The following KIRREL3 variants were observed in gnomAD, a reference collection of about 807,000 sequenced individuals.
KIRREL3 encodes the protein kin of IRRE-like protein 3.
In KIRREL3, 36 loss-of-function variants were observed where a neutral mutation model predicts 89.7. The ratio of observed to expected loss-of-function variants is 0.40; its 90% CI spans 0.31 to 0.53. The LOEUF (loss-of-function observed/expected upper bound fraction) is 0.53, where lower values mean the gene tolerates loss of function less well. Among genes scored for constraint, KIRREL3 ranks in the 20% least tolerant of loss-of-function variants. The pLI is 0.49. For synonymous variants in KIRREL3, 445 were observed against 441.4 expected, an observed-to-expected ratio of 1.01 and a Z score of -0.10; for missense variants, 864 against 1,056.6, an observed-to-expected ratio of 0.82 and a Z score of 2.53.
At chr11:126,600,259 G>A (rs1297849610) in intron 1 of KIRREL3, among the ~76,000 whole-genome samples, 2 of 152,196 alleles carry the variant, frequency 1.3e-5, no homozygotes, top group Non-Finnish European at 2.9e-5. Flanking sequence ...GAGCTTGGAA[G>A]CCAACCCTGC....
Position 126,643,609 on chromosome 11 carries a change from A to G in KIRREL3, c.56-80697T>C, listed in dbSNP as rs1944554658. On this transcript the variant is annotated intron_variant, in intron 1 of 16. Coordinates refer to ENST00000525144, the MANE Select transcript of KIRREL3 (RefSeq NM_032531.4). The surrounding 1 kb of genome is among the most constrained non-coding windows in gnomAD (Gnocchi z 4.5). ...AGACTTGATCCTTGGGCAAAAGTGC[A>G]TTAGTAGGGATTCTGGAGCAAGGCA... Among the ~76,000 whole-genome samples, 1 of 152,184 alleles carries G rather than the reference A, an allele frequency of 6.6e-6. No homozygotes were observed. The highest frequency in any genetic ancestry group is 2.4e-5 in the African/African-American group (1 of 41,444).
intron 1 of KIRREL3, among the ~76,000 whole-genome samples, chr11:126,726,668 C>T (rs7934512): frequency 1.8e-3 from 275 of 152,324 alleles, no homozygotes; most frequent in African/African-American, 6.1e-3. Flanking sequence ...TGAGCCACTG[C>T]GCCCAGCCAC....
chr11:126,458,471 G>A (rs998430049), intron 6 of KIRREL3, among the ~76,000 whole-genome samples: 2 of 152,106 alleles, frequency 1.3e-5, no homozygotes, highest in Non-Finnish European at 2.9e-5. Context: ...TCTGGAGTTC[G>A]GATCACATAA....
rs1946173365 is a variant in KIRREL3 at position 126,896,717 on chromosome 11, A to G, written c.55+103738T>C. ...CTCAGACACCCAGGGGAGGGGTTCC[A>G]TGGCCACAGCAAGCTCTCTGGCAGC... On this transcript the variant is annotated intron_variant, in intron 1 of 16. Coordinates refer to ENST00000525144, the MANE Select transcript of KIRREL3 (RefSeq NM_032531.4). The surrounding 1 kb of genome is among the most constrained non-coding windows in gnomAD (Gnocchi z 4.1). 6.6e-6 allele frequency among the ~76,000 whole-genome samples: 1 copy of G among 152,158 alleles called. No individual in the cohort carries two copies. The highest frequency in any genetic ancestry group is 6.5e-5 in the Admixed American group (1 of 15,278).
chr11:126,612,222 A>G lies in KIRREL3; in HGVS notation c.56-49310T>C, dbSNP rs1289443469. ...CCCTCAGAATTTGAGTATTATATGGACACCCTTGGCATATAATAAATGCTC... is the reference window on the plus strand; with the variant it reads ...CCCTCAGAATTTGAGTATTATATGGGCACCCTTGGCATATAATAAATGCTC... On this transcript the variant is annotated intron_variant, in intron 1 of 16. Transcript: ENST00000525144. The surrounding 1 kb of genome is among the most constrained non-coding windows in gnomAD (Gnocchi z 4.5). 3.3e-5 allele frequency among the ~76,000 whole-genome samples: 5 copies of G among 152,204 alleles called. No homozygotes were observed. The East Asian group carries it at 9.7e-4, about 29-fold the overall frequency.
In KIRREL3 at chr11:126,945,468, T is replaced by A. The variant is rs1793674; in HGVS notation, c.55+54987A>T. On this transcript the variant is annotated intron_variant, in intron 1 of 16. Transcript: ENST00000525144. ...GTGTCTCCGCAGGTCACTGGAAGAA[T>A]GTGGCCTGGGGCCCTTCAGTACCAT... Among the ~76,000 whole-genome samples, 277 of 152,220 alleles carry A rather than the reference T, an allele frequency of 1.8e-3. 1 individual carries two copies. The highest frequency in any genetic ancestry group is 3.4e-3 in the Middle Eastern group (1 of 294).
At position 126,724,874 on chromosome 11, in the gene KIRREL3, A is replaced by C. The variant is rs1948317917; in HGVS notation, c.56-161962T>G. 1.3e-5 allele frequency among the ~76,000 whole-genome samples: 2 copies of C among 152,246 alleles called. No individual in the cohort carries two copies. Among genetic ancestry groups the C allele is most frequent in the South Asian group, 4.1e-4 (2 of 4,834 alleles). On this transcript the variant is annotated intron_variant, in intron 1 of 16. Transcript: ENST00000525144. The surrounding 1 kb of genome is among the most constrained non-coding windows in gnomAD (Gnocchi z 4.3). ...CCTGCATTCCTCTTTATCATAGATC[A>C]ACTTGTCAGTTAGTCATTCACTTAA...
At chr11:126,626,314 A>C (rs982563581) in intron 1 of KIRREL3, among the ~76,000 whole-genome samples, 1 of 152,260 alleles carries the variant, frequency 6.6e-6, no homozygotes, top group African/African-American at 2.4e-5. Flanking sequence ...GCAAACATGT[A>C]TTCCCTTGGG....
At chr11:126,536,945 C>G (rs765393122) in intron 2 of KIRREL3, among the ~76,000 whole-genome samples, 1 of 152,104 alleles carries the variant, frequency 6.6e-6, no homozygotes, top group Non-Finnish European at 1.5e-5. Flanking sequence ...TGCACCCAAC[C>G]CCTGTGCAGT....
rs1956420891 is a variant in KIRREL3 at position 126,457,772 on chromosome 11, A to G, written c.743-1318T>C. On this transcript the variant is annotated intron_variant, in intron 6 of 16. Transcript: ENST00000525144. ...AAAAGGCCACGGAGACCCGGCACATAGGGCCCGACAATGACAGGGTGTTAG... is the reference window on the plus strand; with the variant it reads ...AAAAGGCCACGGAGACCCGGCACATGGGGCCCGACAATGACAGGGTGTTAG... Among the ~76,000 whole-genome samples the G allele has an allele frequency of 2.0e-5, 3 of 152,262 alleles. No homozygotes were observed. In the South Asian group the frequency reaches 6.2e-4, roughly 32 times the overall value.
At position 126,687,117 on chromosome 11, in the gene KIRREL3, T is replaced by C. The variant is rs563489415; in HGVS notation, c.56-124205A>G. 2.6e-5 allele frequency among the ~76,000 whole-genome samples: 4 copies of C among 152,226 alleles called. No individual in the cohort carries two copies. Among genetic ancestry groups the C allele is most frequent in the African/African-American group, 9.6e-5 (4 of 41,538 alleles). On this transcript the variant is annotated intron_variant, in intron 1 of 16. Transcript: ENST00000525144. The surrounding 1 kb of genome is among the most constrained non-coding windows in gnomAD (Gnocchi z 4.6). ...AAGGTATGTCTAAGAAGGCTCAAGTTCATGAATGGGTGCATCAAAGAACCA... is the reference window on the plus strand; with the variant it reads ...AAGGTATGTCTAAGAAGGCTCAAGTCCATGAATGGGTGCATCAAAGAACCA...
intron 13 of KIRREL3, among the ~76,000 whole-genome samples, chr11:126,433,987 G>T (rs1955228353): frequency 6.6e-6 from 1 of 152,232 alleles, no homozygotes; most frequent in African/African-American, 2.4e-5. Flanking sequence ...TGGGGGAGGG[G>T]TGCCCTCTTA....
At chr11:126,618,986 G>T (rs1399139859) in intron 1 of KIRREL3, among the ~76,000 whole-genome samples, 2 of 152,204 alleles carry the variant, frequency 1.3e-5, no homozygotes, top group East Asian at 1.9e-4. Context: ...CCAGACAAGG[G>T]CCTGGTTCTC....
chr11:126,441,825 C>T lies in KIRREL3; in HGVS notation c.1253-1276G>A, dbSNP rs1955577178. ...GCAGCGTGAGGTGGGCGTGGGGGAC[C>T]CTCCATGGCTTTAAGAATGGGCTGA... On this transcript the variant is annotated intron_variant, in intron 10 of 16. Coordinates refer to ENST00000525144, the MANE Select transcript of KIRREL3 (RefSeq NM_032531.4). This position sits in a 1 kb window ranked among gnomAD's most constrained non-coding sequence, Gnocchi z 5.0. 6.6e-6 allele frequency among the ~76,000 whole-genome samples: 1 copy of T among 152,092 alleles called. No individual in the cohort carries two copies. The highest frequency in any genetic ancestry group is 6.6e-5 in the Admixed American group (1 of 15,258).
At position 126,558,072 on chromosome 11, in the gene KIRREL3, G is replaced by A. The variant is rs1353433577; in HGVS notation, c.133+4763C>T. 1.3e-5 allele frequency among the ~76,000 whole-genome samples: 2 copies of A among 152,182 alleles called. No individual in the cohort carries two copies. Among genetic ancestry groups the A allele is most frequent in the African/African-American group, 2.4e-5 (1 of 41,454 alleles). On this transcript the variant is annotated intron_variant, in intron 2 of 16. Transcript: ENST00000525144. This position sits in a 1 kb window ranked among gnomAD's most constrained non-coding sequence, Gnocchi z 4.0. The stretch of plus-strand genomic sequence containing the variant: ...GCAATGCTGAAAGTCCACGGAAACC[G>A]ACACCCACCCTGATGGGCAGCCCAA...
chr11:126,437,694 C>T (rs1196607806), intron 11 of KIRREL3, among the ~76,000 whole-genome samples: 1 of 152,132 alleles, frequency 6.6e-6, no homozygotes, highest in East Asian at 1.9e-4. Flanking sequence ...CATCTACACG[C>T]AACACACAGC....
chr11:126,603,860 C>G (rs919928406), intron 1 of KIRREL3, among the ~76,000 whole-genome samples: 1 of 152,186 alleles, frequency 6.6e-6, no homozygotes, highest in Non-Finnish European at 1.5e-5. Flanking sequence ...TTCCCCGATA[C>G]AAGGCTTTTT....
chr11:126,442,183 C>A (rs1028782483), intron 10 of KIRREL3, among the ~76,000 whole-genome samples: 3 of 148,998 alleles, frequency 2.0e-5, no homozygotes, highest in African/African-American at 7.4e-5. Flanking sequence ...ATTGCTTGAA[C>A]CTGGGAGGTG....
At position 126,574,278 on chromosome 11, in the gene KIRREL3, C is replaced by T. The variant is rs1406647596; in HGVS notation, c.56-11366G>A. 1.3e-5 allele frequency among the ~76,000 whole-genome samples: 2 copies of T among 152,232 alleles called. No homozygotes were observed. Among genetic ancestry groups the T allele is most frequent in the Non-Finnish European group, 2.9e-5 (2 of 68,048 alleles). On this transcript the variant is annotated intron_variant, in intron 1 of 16. Coordinates refer to ENST00000525144, the MANE Select transcript of KIRREL3 (RefSeq NM_032531.4). This position sits in a 1 kb window ranked among gnomAD's most constrained non-coding sequence, Gnocchi z 5.3. The stretch of plus-strand genomic sequence containing the variant: ...TAATGGCAGGGCTAGGATTTGACCA[C>T]AACGCTTGGGGTAAAACCAAACTCC...
Sources: gnomAD v4.1 joint callset for allele counts (sites outside exome capture counted in the v4.1 genomes callset) on GRCh38, gnomAD v4.1.1 for gene constraint, Gnocchi (gnomAD v3.1) non-coding constraint, MANE v1.5 for transcripts, NCBI Gene and HGNC (gene_info 2026-07-23, HGNC 2026-07-21) for gene names.